The following ATF7IP2 variants were observed in gnomAD, a reference collection of about 807,000 sequenced individuals.
ATF7IP2 encodes activating transcription factor 7-interacting protein 2.
Under a neutral mutation model 64.2 loss-of-function variants are expected in ATF7IP2, and 42 were observed. The ratio of observed to expected loss-of-function variants is 0.65; its 90% confidence interval spans 0.51 to 0.85. ATF7IP2 has a LOEUF of 0.85. Ranked by LOEUF, ATF7IP2 falls within the 40% of genes least tolerant of loss-of-function variation. The probability of loss-of-function intolerance (pLI) is 0.00; values close to 1 mark genes in which losing one functional copy is unlikely to be tolerated. For missense variants in ATF7IP2, 933 were observed against 784.2 expected (o/e 1.19, Z -2.27); for synonymous variants, 308 against 272.8 (o/e 1.13, Z -1.27).
intron 9 of ATF7IP2, among the ~76,000 whole-genome samples, chr16:10,458,033 G>C (rs1446576373): frequency 6.6e-6 from 1 of 152,182 alleles, no homozygotes; most frequent in Non-Finnish European, 1.5e-5. Context: ...TTTTTAAAAA[G>C]AGGAAAACAT....
chr16:10,482,809 C>G lies in ATF7IP2; in HGVS notation c.*560C>G, dbSNP rs1200667920. On this transcript the variant is annotated 3_prime_UTR_variant, in exon 14 of 14. Transcript: ENST00000562102. ...CAGTGGTCACTGCAACCTCCATCTC[C>G]CTGGTTCAAGCAATTCTCCTATGTC... 2 of 152,168 alleles carry G rather than the reference C, an allele frequency of 1.3e-5. No individual in the cohort carries two copies. The highest frequency in any genetic ancestry group is 2.4e-5 in the African/African-American group (1 of 41,418). The allele number at this position is 152,168 out of a possible 1,614,324, so 9.4% of individuals were successfully genotyped here.
At chr16:10,450,272 T>C (rs915950561) in intron 8 of ATF7IP2, among the ~76,000 whole-genome samples, 5 of 152,214 alleles carry the variant, frequency 3.3e-5, no homozygotes, top group Admixed American at 6.5e-5. Flanking sequence ...GATGAGGTGC[T>C]GAGAAGAATG....
intron 8 of ATF7IP2, chr16:10,446,002 G>A (rs1412171031): frequency 6.6e-6 from 1 of 152,214 alleles, no homozygotes; most frequent in Non-Finnish European, 1.5e-5. Context: ...CAATTCACAT[G>A]TTTGGGCAGA....
At chr16:10,411,744 G>A (rs2047764079) in intron 1 of ATF7IP2, among the ~76,000 whole-genome samples, 1 of 151,946 alleles carries the variant, frequency 6.6e-6, no homozygotes, top group African/African-American at 2.4e-5. Flanking sequence ...ACTTCTTCCT[G>A]ATTTAAGCTA....
chr16:10,430,142 C>T (rs965668038), intron 4 of ATF7IP2, among the ~76,000 whole-genome samples: 6 of 152,098 alleles, frequency 3.9e-5, no homozygotes, highest in African/African-American at 9.7e-5. Context: ...GCATGAGCCA[C>T]GACACCTGGC....
At chr16:10,387,935 C>A (rs1596406851) in intron 1 of ATF7IP2, among the ~76,000 whole-genome samples, 1 of 150,014 alleles carries the variant, frequency 6.7e-6, no homozygotes, top group East Asian at 2.0e-4. Flanking sequence ...CAGAGATTCG[C>A]TCTTTGGCTC....
intron 8 of ATF7IP2, among the ~76,000 whole-genome samples, chr16:10,450,010 T>C (rs1596547136): frequency 6.6e-6 from 1 of 152,358 alleles, no homozygotes; most frequent in South Asian, 2.1e-4. Context: ...GGGATTCTGA[T>C]ACATTGTGTC....
intron 12 of ATF7IP2, among the ~76,000 whole-genome samples, chr16:10,477,886 G>GACTTTGC (rs2050070527): frequency 6.7e-6 from 1 of 149,798 alleles, no homozygotes; most frequent in Non-Finnish European, 1.5e-5. Context: ...CAAATCATGA[G>GACTTTGC]TGAACTCCCA....
At chr16:10,431,981 G>A (rs1307430762) in intron 5 of ATF7IP2, among the ~76,000 whole-genome samples, 3 of 140,952 alleles carry the variant, frequency 2.1e-5, no homozygotes, top group Non-Finnish European at 4.5e-5. Flanking sequence ...GCACCACTAC[G>A]CCCGGCTAAT....
chr16:10,450,022 T>A (rs2048935426), intron 8 of ATF7IP2, among the ~76,000 whole-genome samples: 1 of 152,216 alleles, frequency 6.6e-6, no homozygotes, highest in Admixed American at 6.5e-5. Flanking sequence ...CATTGTGTCT[T>A]TGGTCCCATT....
intron 2 of ATF7IP2, among the ~76,000 whole-genome samples, chr16:10,418,244 A>C (rs2047918028): frequency 6.6e-6 from 1 of 152,198 alleles, no homozygotes; most frequent in Non-Finnish European, 1.5e-5. Flanking sequence ...GGAACGCCTT[A>C]AGCGGTTTTC....
chr16:10,455,072 A>G (rs1223145414), intron 8 of ATF7IP2, among the ~76,000 whole-genome samples: 2 of 152,202 alleles, frequency 1.3e-5, no homozygotes, highest in African/African-American at 4.8e-5. Flanking sequence ...AAGATGGTTG[A>G]TAGTGTTTTT....
At chr16:10,409,547 C>T (rs2047709474) in intron 1 of ATF7IP2, among the ~76,000 whole-genome samples, 1 of 151,730 alleles carries the variant, frequency 6.6e-6, no homozygotes, top group South Asian at 2.1e-4. Flanking sequence ...TTGCCTCAGC[C>T]TCCTAAGTAG....
chr16:10,426,194 G>C (rs904867161), intron 3 of ATF7IP2, among the ~76,000 whole-genome samples: 1 of 152,202 alleles, frequency 6.6e-6, no homozygotes, highest in African/African-American at 2.4e-5. Flanking sequence ...TTACAGGACA[G>C]TATTACCATC....
chr16:10,407,386 G>A (rs1358221306), intron 1 of ATF7IP2, among the ~76,000 whole-genome samples: 1 of 152,128 alleles, frequency 6.6e-6, no homozygotes, highest in Non-Finnish European at 1.5e-5. Context: ...TCCTAGCTAG[G>A]CGAATCAGAG....
At chr16:10,423,171 G>T (rs1336685061) in intron 3 of ATF7IP2, among the ~76,000 whole-genome samples, 1 of 152,112 alleles carries the variant, frequency 6.6e-6, no homozygotes, top group Non-Finnish European at 1.5e-5. Flanking sequence ...GTGAGCCTGG[G>T]AGGCGGAGCT....
chr16:10,400,295 C>T (rs1454591383), intron 1 of ATF7IP2, among the ~76,000 whole-genome samples: 1 of 152,210 alleles, frequency 6.6e-6, no homozygotes, highest in Non-Finnish European at 1.5e-5. Flanking sequence ...CCTGCCTTGG[C>T]CTCCCAAAGT....
chr16:10,474,843 A>G (rs1312728819), intron 12 of ATF7IP2, among the ~76,000 whole-genome samples: 1 of 152,232 alleles, frequency 6.6e-6, no homozygotes, highest in Non-Finnish European at 1.5e-5. Flanking sequence ...AAGCCAAAAG[A>G]CAATTGAATG....
intron 3 of ATF7IP2, among the ~76,000 whole-genome samples, chr16:10,423,515 C>T (rs1314004848): frequency 6.6e-6 from 1 of 152,170 alleles, no homozygotes; most frequent in Non-Finnish European, 1.5e-5. Flanking sequence ...TTGCTGAATT[C>T]CTGCCTGAAA....
Sources: allele counts gnomAD v4.1 joint callset (sites outside exome capture counted in the v4.1 genomes callset), GRCh38; gene constraint gnomAD v4.1.1; transcripts MANE v1.5; gene names NCBI Gene and HGNC (gene_info 2026-07-23, HGNC 2026-07-21).